The following NOXRED1 variants were observed in gnomAD, a reference collection of about 807,000 sequenced individuals.
NOXRED1 encodes the protein NADP dependent oxidoreductase domain containing 1.
A neutral mutation model predicts 30.4 loss-of-function variants in NOXRED1; 20 were observed. The observed-to-expected ratio is 0.66, with a 90% CI of 0.46 to 0.96. The LOEUF (loss-of-function observed/expected upper bound fraction) is 0.96, where lower values mean the gene tolerates loss of function less well. Ranked by LOEUF, NOXRED1 falls within the 40% of genes least tolerant of loss-of-function variation. The pLI, the probability that NOXRED1 is intolerant of heterozygous loss-of-function variation, is 0.00. For synonymous variants in NOXRED1, 155 were observed against 168.0 expected, an observed-to-expected ratio of 0.92 and a Z score of 0.60; for missense variants, 374 against 428.0, an observed-to-expected ratio of 0.87 and a Z score of 1.11.
chr14:77,406,436 A>T, intron 4 of NOXRED1: 1 of 592,856 alleles, frequency 1.7e-6, no homozygotes, highest in Non-Finnish European at 3.0e-6. Context: ...GAAAACTACA[A>T]GATTAGAACA....
chr14:77,406,788 C>A lies in NOXRED1; in HGVS notation c.618G>T (p.Lys206Asn). 6.2e-7 allele frequency: 1 copy of A among 1,614,004 alleles called. No homozygotes were observed. Among genetic ancestry groups the A allele is most frequent in the Admixed American group, 1.7e-5 (1 of 60,008 alleles). Residue 206 changes from lysine (K) to asparagine (N), a missense_variant, in exon 4 of 6, where the codon AAG (lysine) becomes AAT (asparagine). Lys to Asn is a moderately conservative substitution (Grantham distance 94). Transcript: ENST00000380835. ...EDSVSVWGAN[K>N]GVIAALQDPT... ...GATCTTGGAGAGCAGCTATGACTCC[C>A]TTATTGGCCCCCCAGACGCTGACAG...
intron 5 of NOXRED1, among the ~76,000 whole-genome samples, chr14:77,403,965 A>C (rs527691421): frequency 2.6e-5 from 4 of 152,324 alleles, no homozygotes; most frequent in East Asian, 1.9e-4. Context: ...AGATGATATC[A>C]GGCACGTTCA....
chr14:77,394,383 A>G lies in NOXRED1; in HGVS notation c.*248T>C, dbSNP rs74772106. On this transcript the variant is annotated 3_prime_UTR_variant, in exon 6 of 6. Coordinates refer to ENST00000380835, the MANE Select transcript of NOXRED1 (RefSeq NM_001113475.3). ...ATTAACAAGACTTTTCTGCGGGAGC[A>G]GCTTACTTAAGTTAGGTTGTGTAGT... 0.014 allele frequency: 4,688 copies of G among 331,420 alleles called. 212 individuals are homozygous for G. The highest frequency in any genetic ancestry group is 0.09 in the African/African-American group (4,287 of 47,436). 20.5% of individuals were successfully genotyped at this position (331,420 alleles called of 1,614,324 possible). A position where few individuals can be genotyped will look rare whatever the true frequency, so the allele number is the denominator to read the frequency against.
chr14:77,423,029 C>T lies in NOXRED1; in HGVS notation c.-140G>A. On this transcript the variant is annotated 5_prime_UTR_variant, in exon 1 of 6. Transcript: ENST00000380835. The stretch of plus-strand genomic sequence containing the variant: ...AAGCACTCATGATGATGGGCTTCAG[C>T]ACCTCTCTACTCCCAGATTCTGAAT... 1.5e-6 allele frequency: 1 copy of T among 659,128 alleles called. No homozygotes were observed. The highest frequency in any genetic ancestry group is 1.9e-5 in the South Asian group (1 of 52,240). 40.8% of individuals were successfully genotyped at this position (659,128 alleles called of 1,614,324 possible).
intron 1 of NOXRED1, among the ~76,000 whole-genome samples, chr14:77,417,591 G>A (rs1017389070): frequency 1.3e-5 from 2 of 152,138 alleles, no homozygotes; most frequent in Middle Eastern, 3.2e-3. Context: ...GACTACTCCT[G>A]TTCTTTTTTG....
chr14:77,408,042 A>G (rs1894530126), intron 2 of NOXRED1, among the ~76,000 whole-genome samples: 1 of 151,838 alleles, frequency 6.6e-6, no homozygotes, highest in South Asian at 2.1e-4. Flanking sequence ...TAGTCTTTGT[A>G]TTTTTAGTAG....
intron 1 of NOXRED1, 85 bp downstream of exon 1, chr14:77,422,650 C>G (rs1399869885): frequency 7.3e-7 from 1 of 1,366,740 alleles, no homozygotes; most frequent in African/African-American, 1.4e-5. Flanking sequence ...CAAACTTACC[C>G]TCCAATATAA....
At chr14:77,407,431 T>C (rs761566331) in intron 3 of NOXRED1, 34 bp downstream of exon 3, 5 of 1,511,188 alleles carry the variant, frequency 3.3e-6, no homozygotes, top group Non-Finnish European at 4.6e-6. Context: ...GACAGAGCAG[T>C]TGTGCCAGTT....
intron 2 of NOXRED1, among the ~76,000 whole-genome samples, chr14:77,411,339 G>A (rs1460872889): frequency 1.3e-5 from 2 of 151,838 alleles, no homozygotes; most frequent in East Asian, 1.9e-4. Context: ...GCATGGTGGT[G>A]AGCGCATGTA....
rs1477062829 is a variant in NOXRED1, at chr14:77,405,894, A to G, written c.905+19T>C. 1.4e-6 allele frequency: 2 copies of G among 1,452,610 alleles called. No individual in the cohort carries two copies. Among genetic ancestry groups the G allele is most frequent in the South Asian group, 1.1e-5 (1 of 87,756 alleles). 90.0% of individuals were successfully genotyped at this position (1,452,610 alleles called of 1,614,324 possible). ...GAGTCTGGGAGAAATGAGAATGGCC[A>G]GCTGTCCAATGCCCTTACCTTTCCT... On this transcript the variant is annotated intron_variant, in intron 5 of 5. Transcript: ENST00000380835.
intron 1 of NOXRED1, among the ~76,000 whole-genome samples, chr14:77,421,326 A>G (rs1456600690): frequency 6.6e-6 from 1 of 152,276 alleles, no homozygotes; most frequent in East Asian, 1.9e-4. Context: ...TATTGTTGTT[A>G]AGTTAGTGTC....
At chr14:77,410,693 G>A (rs186465926) in intron 2 of NOXRED1, among the ~76,000 whole-genome samples, 7 of 151,980 alleles carry the variant, frequency 4.6e-5, no homozygotes, top group African/African-American at 1.7e-4. Flanking sequence ...CAGAAAAAAT[G>A]GTCAGAAGCA....
chr14:77,418,431 A>G (rs1164219497), intron 1 of NOXRED1, among the ~76,000 whole-genome samples: 1 of 151,374 alleles, frequency 6.6e-6, no homozygotes, highest in East Asian at 1.9e-4. Context: ...CACCGTGCCA[A>G]GCCTATTTTT....
chr14:77,398,655 A>C (rs1375338540), intron 5 of NOXRED1, among the ~76,000 whole-genome samples: 1 of 152,102 alleles, frequency 6.6e-6, no homozygotes, highest in Non-Finnish European at 1.5e-5. Flanking sequence ...TCCCCTCCTC[A>C]ACTCCTTACT....
chr14:77,396,304 C>T (rs940992148), intron 5 of NOXRED1, among the ~76,000 whole-genome samples: 10 of 124,836 alleles, frequency 8.0e-5, no homozygotes, highest in Middle Eastern at 4.0e-3. Context: ...GGCTGCAGTG[C>T]GATGGTGTGA....
chr14:77,400,014 T>G (rs1056777239), intron 5 of NOXRED1, among the ~76,000 whole-genome samples: 1 of 151,812 alleles, frequency 6.6e-6, no homozygotes, highest in African/African-American at 2.4e-5. Flanking sequence ...AAAACAAAGA[T>G]AAGAAAGCTG....
At chr14:77,405,207 C>T (rs1210798734) in intron 5 of NOXRED1, among the ~76,000 whole-genome samples, 1 of 152,130 alleles carries the variant, frequency 6.6e-6, no homozygotes, top group African/African-American at 2.4e-5. Context: ...CCAGCCTGGC[C>T]AACATGGCGA....
chr14:77,403,698 C>A (rs774866380), intron 5 of NOXRED1, among the ~76,000 whole-genome samples: 15 of 152,014 alleles, frequency 9.9e-5, no homozygotes, highest in Non-Finnish European at 1.9e-4. Flanking sequence ...ATGGAAATAA[C>A]AGGCCCACCA....
At chr14:77,417,140 CAAA>C (rs879495583) in intron 1 of NOXRED1, among the ~76,000 whole-genome samples, 12 of 103,980 alleles carry the variant, frequency 1.2e-4, no homozygotes, top group South Asian at 3.0e-4. Context: ...CTATTATGGT[CAAA>C]AAAAAAAAAA....
Sources: gnomAD v4.1 joint callset for allele counts (sites outside exome capture counted in the v4.1 genomes callset) on GRCh38, gnomAD v4.1.1 for gene constraint, MANE v1.5 for transcripts, NCBI Gene and HGNC (gene_info 2026-07-23, HGNC 2026-07-21) for gene names.